The following ATG10 variants were observed in gnomAD, a reference collection of about 807,000 sequenced individuals.
ATG10 encodes the protein autophagy related 10, also known as ubiquitin-like-conjugating enzyme ATG10.
ATG10 carries 30 observed loss-of-function variants against 32.1 expected under a neutral mutation model. The observed-to-expected ratio is 0.94, with a 90% confidence interval of 0.70 to 1.27. ATG10 has a LOEUF of 1.27. Ranked by LOEUF, ATG10 falls within the 50% of genes most tolerant of loss-of-function variation. The probability of loss-of-function intolerance (pLI) is 0.00; values close to 1 mark genes in which losing one functional copy is unlikely to be tolerated. For missense variants in ATG10, 233 were observed against 262.3 expected (o/e 0.89, Z 0.77); for synonymous variants, 87 against 91.5 (o/e 0.95, Z 0.28).
chr5:82,159,938 C>G (rs1451391585), intron 3 of ATG10, among the ~76,000 whole-genome samples: 1 of 152,214 alleles, frequency 6.6e-6, no homozygotes, highest in African/African-American at 2.4e-5. Context: ...CCAATATCCC[C>G]CAGTAGTAAC....
intron 2 of ATG10, among the ~76,000 whole-genome samples, chr5:82,016,799 C>T (rs931573436): frequency 2.0e-5 from 3 of 152,060 alleles, no homozygotes; most frequent in African/African-American, 7.2e-5. Context: ...CACCATTCTC[C>T]TGCCTCAGCC....
At chr5:81,984,251 C>T (rs1761184763) in intron 1 of ATG10, among the ~76,000 whole-genome samples, 1 of 152,244 alleles carries the variant, frequency 6.6e-6, no homozygotes, top group African/African-American at 2.4e-5. Context: ...ACAGCGAAAC[C>T]CCGTCTCCAC....
intron 5 of ATG10, among the ~76,000 whole-genome samples, chr5:82,250,260 A>G (rs148343384): frequency 1.3e-5 from 2 of 152,092 alleles, no homozygotes; most frequent in East Asian, 1.9e-4. Flanking sequence ...TCTGTTCCCA[A>G]ATCTCTGCAT....
chr5:82,253,567 T>C, intron 7 of ATG10, 138 bp downstream of exon 7: 1 of 631,826 alleles, frequency 1.6e-6, no homozygotes, highest in East Asian at 2.8e-5. Context: ...AGTTTTCCAA[T>C]CAGTCCCCTA....
intron 5 of ATG10, among the ~76,000 whole-genome samples, chr5:82,224,496 G>C (rs1246208492): frequency 6.6e-6 from 1 of 152,132 alleles, no homozygotes; most frequent in Non-Finnish European, 1.5e-5. Flanking sequence ...TTTGAGCAAG[G>C]GAGTGGCATA....
intron 3 of ATG10, among the ~76,000 whole-genome samples, chr5:82,102,289 G>C (rs1765304299): frequency 1.3e-5 from 2 of 152,004 alleles, no homozygotes; most frequent in Admixed American, 1.3e-4. Context: ...TATGTATTTT[G>C]GATTTGTATT....
At chr5:82,070,988 C>T (rs887967108) in intron 3 of ATG10, among the ~76,000 whole-genome samples, 2 of 152,118 alleles carry the variant, frequency 1.3e-5, no homozygotes, top group African/African-American at 4.8e-5. Context: ...TAAGCCCCTT[C>T]CTCTTGAAAT....
intron 5 of ATG10, among the ~76,000 whole-genome samples, chr5:82,230,209 G>A (rs1746300623): frequency 6.6e-6 from 1 of 152,138 alleles, no homozygotes; most frequent in African/African-American, 2.4e-5. Context: ...ATATTTCAAA[G>A]GAAGGGTTAG....
intron 3 of ATG10, among the ~76,000 whole-genome samples, chr5:82,076,376 A>T (rs1764273167): frequency 6.6e-6 from 1 of 152,244 alleles, no homozygotes; most frequent in Non-Finnish European, 1.5e-5. Context: ...TTTTAATTGT[A>T]AAATCTTTTC....
intron 2 of ATG10, among the ~76,000 whole-genome samples, chr5:82,043,327 C>G (rs748003812): frequency 2.6e-5 from 4 of 152,356 alleles, no homozygotes; most frequent in Non-Finnish European, 5.9e-5. Context: ...CTGGACAGAG[C>G]AGTGGGGCCC....
intron 1 of ATG10, among the ~76,000 whole-genome samples, chr5:81,973,667 C>T (rs1035537925): frequency 6.6e-6 from 1 of 152,128 alleles, no homozygotes; most frequent in Non-Finnish European, 1.5e-5. Flanking sequence ...AGGACATAGG[C>T]CCTGTGTGGT....
rs201785362 is a variant in ATG10, at chr5:82,203,784, T to C, written c.453+25197T>C. On this transcript the variant is annotated intron_variant, in intron 5 of 7. Transcript: ENST00000282185. The stretch of plus-strand genomic sequence containing the variant: ...TTCTGCTCCAATCTTAAGGAAATGA[T>C]GTGACTCTTGTGACTGCTTTTTAAA... Among the ~76,000 whole-genome samples the C allele has an allele frequency of 3.9e-5, 6 of 152,348 alleles. No individual in the cohort carries two copies. In the East Asian group the frequency reaches 1.2e-3, roughly 29 times the overall value.
intron 7 of ATG10, 47 bp downstream of exon 7, chr5:82,253,476 T>C: frequency 1.6e-6 from 2 of 1,260,618 alleles, no homozygotes; most frequent in South Asian, 2.4e-5. Flanking sequence ...CAAAGATCAA[T>C]GTCTCCATTG....
intron 1 of ATG10, among the ~76,000 whole-genome samples, chr5:81,974,700 C>T (rs1339817250): frequency 2.0e-5 from 3 of 152,088 alleles, no homozygotes; most frequent in South Asian, 2.1e-4. Context: ...ACTACACAGC[C>T]GTGACTCCTG....
intron 3 of ATG10, among the ~76,000 whole-genome samples, chr5:82,159,826 G>A (rs1383226601): frequency 1.3e-5 from 2 of 152,082 alleles, no homozygotes; most frequent in Non-Finnish European, 2.9e-5. Context: ...GCCTCAAATT[G>A]CCTCACTGTT....
chr5:82,104,394 T>C (rs1377928803), intron 3 of ATG10, among the ~76,000 whole-genome samples: 1 of 152,180 alleles, frequency 6.6e-6, no homozygotes, highest in Non-Finnish European at 1.5e-5. Context: ...ATCTTCTCTC[T>C]TGAAAATTAA....
intron 5 of ATG10, among the ~76,000 whole-genome samples, chr5:82,231,014 C>T (rs1023365027): frequency 3.3e-5 from 5 of 152,038 alleles, no homozygotes; most frequent in African/African-American, 4.8e-5. Flanking sequence ...CTTTAAGAGG[C>T]CCTAGTCTGA....
chr5:81,998,220 T>C (rs976516001), intron 2 of ATG10, among the ~76,000 whole-genome samples: 1 of 152,314 alleles, frequency 6.6e-6, no homozygotes, highest in African/African-American at 2.4e-5. Flanking sequence ...CAGAGGAGTT[T>C]GAGGGCCTAT....
chr5:82,229,721 T>C (rs189055273), intron 5 of ATG10, among the ~76,000 whole-genome samples: 12 of 152,294 alleles, frequency 7.9e-5, no homozygotes, highest in African/African-American at 2.6e-4. Context: ...GACCAAGGAA[T>C]AGTCAGTCCT....
Sources: allele counts gnomAD v4.1 joint callset (sites outside exome capture counted in the v4.1 genomes callset), GRCh38; gene constraint gnomAD v4.1.1; transcripts MANE v1.5; gene names NCBI Gene and HGNC (gene_info 2026-07-23, HGNC 2026-07-21).